IGSF10: variants seen among roughly 807,000 people sequenced by gnomAD.
IGSF10 encodes calvaria mechanical force protein 608.
A neutral mutation model predicts 128.2 loss-of-function variants in IGSF10; 126 were observed. The observed-to-expected ratio is 0.98, with a 90% CI of 0.85 to 1.14. The LOEUF is 1.14. Ranked by LOEUF, IGSF10 falls within the 50% of genes most tolerant of loss-of-function variation. IGSF10 has a pLI of 0.00. For synonymous variants in IGSF10, 1,185 were observed against 1,146.2 expected (o/e 1.03, Z -0.68); for missense variants, 3,295 against 3,149.8 (o/e 1.05, Z -1.10).
rs773067004 is a variant in IGSF10 at position 151,447,262 on chromosome 3, CAG to C, written c.2717_2718del (p.Ser906Ter). The C allele has an allele frequency of 3.7e-6, 6 of 1,614,182 alleles. No homozygotes were observed. The highest frequency in any genetic ancestry group is 3.3e-5 in the South Asian group (3 of 91,082). ...LLLGATEFQD[S>X]DQMGRGREHF... ...TGCTCTCTTCCTCTTCCCATCTGGTCAGAGTCCTGAAATTCAGTTGCTCCAAG... is the reference window on the plus strand; with the variant it reads ...TGCTCTCTTCCTCTTCCCATCTGGTCAGTCCTGAAATTCAGTTGCTCCAAG... On this transcript the variant is annotated frameshift_variant, in exon 6 of 8. Transcript: ENST00000282466. LOFTEE classifies it high-confidence loss of function.
chr3:151,577,247 A>T, the IGSF10 span, among the ~76,000 whole-genome samples: 1 of 152,176 alleles, frequency 6.6e-6, no homozygotes. Flanking sequence ...TATAATCTTT[A>T]CAACATCCTC....
chr3:151,524,605 C>T, the IGSF10 span, among the ~76,000 whole-genome samples: 2 of 152,142 alleles, frequency 1.3e-5, no homozygotes, highest in African/African-American at 4.8e-5. Context: ...AAGAAGGAAA[C>T]AACAGACACT....
At position 151,437,486 on chromosome 3, in the gene IGSF10, A is replaced by C. The variant is rs762945251; in HGVS notation, c.7075T>G (p.Cys2359Gly). 6 of 1,614,192 alleles carry C rather than the reference A, an allele frequency of 3.7e-6. No individual in the cohort carries two copies. Among genetic ancestry groups the C allele is most frequent in the Non-Finnish European group, 5.1e-6 (6 of 1,180,038 alleles). The stretch of plus-strand genomic sequence containing the variant: ...GGTGGTGGGTTACCATCAACAGAGC[A>C]ATTCAATGCTGTGGACTTTCCCAGC... ...AQLGKSTALN[C>G]SVDGNPPPEI... Residue 2359 changes from cysteine to glycine, a missense_variant, in exon 8 of 8, where the codon TGC (cysteine) becomes GGC (glycine). Physicochemically the swap from Cys to Gly is radical, Grantham distance 159. Coordinates refer to ENST00000282466, the MANE Select transcript of IGSF10 (RefSeq NM_178822.5).
rs534685683 is a variant in IGSF10 at position 151,437,475 on chromosome 3, A to G, written c.7086T>C (p.Asp2362=). The change falls in exon 8 of 8, where the codon GAT becomes GAC. Residue 2362 remains aspartate (D), a synonymous_variant. Transcript: ENST00000282466. ...AGATTATTTCAGGTGGTGGGTTACC[A>G]TCAACAGAGCAATTCAATGCTGTGG... ...GKSTALNCSV[D]GNPPPEIIWI... is the part of the protein sequence containing the mutation. The G allele has an allele frequency of 1.2e-6, 2 of 1,614,214 alleles. No individual in the cohort carries two copies. Among genetic ancestry groups the G allele is most frequent in the South Asian group, 1.1e-5 (1 of 91,084 alleles).
downstream of IGSF10, among the ~76,000 whole-genome samples, chr3:151,432,554 C>G (rs1188812970): frequency 6.6e-6 from 1 of 152,202 alleles, no homozygotes; most frequent in African/African-American, 2.4e-5. Flanking sequence ...CAAGTGTGGA[C>G]TGTGAATAAA....
At chr3:151,613,318 A>G in the IGSF10 span, among the ~76,000 whole-genome samples, 4 of 152,166 alleles carry the variant, frequency 2.6e-5, no homozygotes, top group East Asian at 1.9e-4. Context: ...AATTGGAAAA[A>G]ACTACTTTAA....
the IGSF10 span, among the ~76,000 whole-genome samples, chr3:151,563,667 A>G: frequency 3.9e-5 from 6 of 152,160 alleles, no homozygotes; most frequent in African/African-American, 1.4e-4. Flanking sequence ...AAAGCACTGG[A>G]GAGAATTTGG....
In IGSF10 at chr3:151,448,797, C is replaced by A; in HGVS notation, c.1184G>T (p.Ser395Ile). Residue 395 changes from serine to isoleucine, a missense_variant, in exon 6 of 8, where the codon AGT becomes ATT. Ser to Ile is a moderately radical substitution (Grantham distance 142). Coordinates refer to ENST00000282466, the MANE Select transcript of IGSF10 (RefSeq NM_178822.5). ...TTTGTAATAGAGCTGCGGTGTTTCACTAAGCAAGTGGCTCCTTTCTAGTAT... is the reference window on the plus strand; with the variant it reads ...TTTGTAATAGAGCTGCGGTGTTTCAATAAGCAAGTGGCTCCTTTCTAGTAT... ...PLILERSHLL[S>I]ETPQLYYKYK... 1 of 1,613,560 alleles carries A rather than the reference C, an allele frequency of 6.2e-7. No homozygotes were observed. The highest frequency in any genetic ancestry group is 8.5e-7 in the Non-Finnish European group (1 of 1,179,484).
chr3:151,448,788 G>T lies in IGSF10; in HGVS notation c.1193C>A (p.Pro398Gln), dbSNP rs771400856. 1.2e-6 allele frequency: 2 copies of T among 1,613,394 alleles called. No individual in the cohort carries two copies. Among genetic ancestry groups the T allele is most frequent in the Non-Finnish European group, 1.7e-6 (2 of 1,179,524 alleles). ...CTGTTTATATTTGTAATAGAGCTGC[G>T]GTGTTTCACTAAGCAAGTGGCTCCT... ...LERSHLLSETPQLYYKYKQVA... is the reference protein window; with the variant it reads ...LERSHLLSETQQLYYKYKQVA... Residue 398 changes from proline (P) to glutamine (Q), a missense_variant, in exon 6 of 8, where the codon CCG becomes CAG. Coordinates refer to ENST00000282466, the MANE Select transcript of IGSF10 (RefSeq NM_178822.5).
chr3:151,436,650 T>C lies in IGSF10; in HGVS notation c.*39A>G, dbSNP rs546241592. 3 of 1,442,140 alleles carry C rather than the reference T, an allele frequency of 2.1e-6. No homozygotes were observed. The Admixed American group carries it at 6.5e-5, about 31-fold the overall frequency. 89.3% of individuals were successfully genotyped at this position (1,442,140 alleles called of 1,614,324 possible). On this transcript the variant is annotated 3_prime_UTR_variant, in exon 8 of 8. Coordinates refer to ENST00000282466, the MANE Select transcript of IGSF10 (RefSeq NM_178822.5). ...CTTTGATTAAACTTCTTCCAAAAAATAAATTCTGCCCAGATGTTGTTGACT... is the reference window on the plus strand; with the variant it reads ...CTTTGATTAAACTTCTTCCAAAAAACAAATTCTGCCCAGATGTTGTTGACT...
the IGSF10 span, among the ~76,000 whole-genome samples, chr3:151,607,640 G>A: frequency 3.9e-5 from 6 of 152,036 alleles, no homozygotes; most frequent in African/African-American, 1.2e-4. Context: ...GGCCAGGCGC[G>A]GTGGCTCATG....
At chr3:151,537,479 A>C in the IGSF10 span, among the ~76,000 whole-genome samples, 81 of 152,190 alleles carry the variant, frequency 5.3e-4, no homozygotes, top group African/African-American at 1.8e-3. Flanking sequence ...CAACATCATT[A>C]AATCATTCAA....
At chr3:151,490,980 C>A in the IGSF10 span, among the ~76,000 whole-genome samples, 2 of 151,356 alleles carry the variant, frequency 1.3e-5, no homozygotes, top group South Asian at 2.1e-4. Context: ...ATGAACAAAC[C>A]CAAAATTAGC....
chr3:151,470,693 A>G, the IGSF10 span, among the ~76,000 whole-genome samples: 2 of 152,214 alleles, frequency 1.3e-5, no homozygotes, highest in Non-Finnish European at 2.9e-5. Flanking sequence ...GGCCCATTGC[A>G]TACTATAGCC....
At chr3:151,595,967 C>A in the IGSF10 span, among the ~76,000 whole-genome samples, 1 of 151,828 alleles carries the variant, frequency 6.6e-6, no homozygotes, top group South Asian at 2.1e-4. Flanking sequence ...GCTCTTACCA[C>A]ACACACACAC....
chr3:151,532,897 A>G, the IGSF10 span, among the ~76,000 whole-genome samples: 1 of 152,222 alleles, frequency 6.6e-6, no homozygotes, highest in Non-Finnish European at 1.5e-5. Context: ...CTATTTGCAG[A>G]TGACATGATT....
chr3:151,595,519 CTAATA>C, the IGSF10 span, among the ~76,000 whole-genome samples: 3 of 148,328 alleles, frequency 2.0e-5, no homozygotes, highest in Non-Finnish European at 4.5e-5. Flanking sequence ...CATCAATACT[CTAATA>C]TATTATTATA....
At chr3:151,482,428 C>A in the IGSF10 span, among the ~76,000 whole-genome samples, 1 of 152,016 alleles carries the variant, frequency 6.6e-6, no homozygotes, top group Non-Finnish European at 1.5e-5. Flanking sequence ...ATAAAACATA[C>A]AATTGAAAGC....
the IGSF10 span, among the ~76,000 whole-genome samples, chr3:151,545,618 G>T: frequency 6.6e-6 from 1 of 152,200 alleles, no homozygotes; most frequent in African/African-American, 2.4e-5. Context: ...CTCTGCAGGT[G>T]TCTGCACTTT....
Sources: allele counts gnomAD v4.1 joint callset (sites outside exome capture counted in the v4.1 genomes callset), GRCh38; gene constraint gnomAD v4.1.1; transcripts MANE v1.5; gene names NCBI Gene and HGNC (gene_info 2026-07-23, HGNC 2026-07-21).